Variants in ASCC3 observed in about 807,000 individuals in gnomAD.
ASCC3 encodes the protein ASC-1 complex subunit P200.
Under a neutral mutation model 256.3 loss-of-function variants are expected in ASCC3, and 158 were observed. The observed-to-expected ratio is 0.62, with a 90% CI of 0.54 to 0.70. ASCC3 has a LOEUF of 0.70. ASCC3 is among the 30% of genes least tolerant of loss of function. The pLI, the probability that ASCC3 is intolerant of heterozygous loss-of-function variation, is 0.00. For missense variants in ASCC3, 2,259 were observed against 2,626.0 expected (o/e 0.86, Z 3.05); for synonymous variants, 948 against 883.4 (o/e 1.07, Z -1.30).
At chr6:100,876,003 A>G (rs1273733771) in intron 1 of ASCC3, among the ~76,000 whole-genome samples, 1 of 152,170 alleles carries the variant, frequency 6.6e-6, no homozygotes, top group Non-Finnish European at 1.5e-5. Flanking sequence ...GTTGATCATG[A>G]TTTTATCATA....
intron 4 of ASCC3, among the ~76,000 whole-genome samples, chr6:100,809,224 T>C (rs367792919): frequency 3.7e-4 from 57 of 152,158 alleles, no homozygotes; most frequent in Admixed American, 1.5e-3. Context: ...TACTGTAACT[T>C]TTTACTTCAT....
chr6:100,817,279 C>G (rs1276720490), intron 4 of ASCC3, among the ~76,000 whole-genome samples: 3 of 151,488 alleles, frequency 2.0e-5, no homozygotes, highest in Non-Finnish European at 4.4e-5. Context: ...TTAGCTAAAG[C>G]AGTGAAAAGG....
intron 30 of ASCC3, among the ~76,000 whole-genome samples, chr6:100,614,662 G>T (rs1773571553): frequency 1.3e-5 from 2 of 152,072 alleles, no homozygotes; most frequent in African/African-American, 4.8e-5. Flanking sequence ...ATCACTACAT[G>T]AATAAGAGGG....
intron 34 of ASCC3, among the ~76,000 whole-genome samples, chr6:100,601,133 T>C (rs1056905357): frequency 4.6e-5 from 7 of 152,142 alleles, no homozygotes; most frequent in African/African-American, 1.7e-4. Flanking sequence ...CTCCTGTTCC[T>C]GATTCAAGAT....
intron 3 of ASCC3, among the ~76,000 whole-genome samples, chr6:100,849,909 G>A: frequency 6.6e-6 from 1 of 151,878 alleles, no homozygotes; most frequent in East Asian, 1.9e-4. Flanking sequence ...AGAACAGCCT[G>A]GCCAACATGG....
At chr6:100,556,237 G>A (rs1193136746) in intron 36 of ASCC3, among the ~76,000 whole-genome samples, 1 of 152,100 alleles carries the variant, frequency 6.6e-6, no homozygotes, top group Non-Finnish European at 1.5e-5. Context: ...TGTTCTAGGA[G>A]TTAAGAAATA....
chr6:100,782,129 T>A (rs904254210), intron 8 of ASCC3, among the ~76,000 whole-genome samples: 1 of 152,132 alleles, frequency 6.6e-6, no homozygotes, highest in Non-Finnish European at 1.5e-5. Context: ...ATAGTCCAAC[T>A]AGGGTTCCTC....
intron 4 of ASCC3, among the ~76,000 whole-genome samples, chr6:100,822,733 A>C (rs1475623481): frequency 6.6e-6 from 1 of 152,106 alleles, no homozygotes; most frequent in African/African-American, 2.4e-5. Context: ...AACAAATAGG[A>C]AATGCTCTCT....
intron 1 of ASCC3, among the ~76,000 whole-genome samples, chr6:100,879,256 C>T (rs1325937659): frequency 2.0e-5 from 3 of 152,162 alleles, no homozygotes; most frequent in Non-Finnish European, 4.4e-5. Flanking sequence ...CTTTCAGAAG[C>T]TTTATGAACC....
chr6:100,513,306 C>G (rs1773867050), intron 39 of ASCC3, among the ~76,000 whole-genome samples: 1 of 152,060 alleles, frequency 6.6e-6, no homozygotes, highest in African/African-American at 2.4e-5. Flanking sequence ...ACTTGTGATT[C>G]CTTTATTGTA....
chr6:100,843,670 A>G (rs1187072308), intron 4 of ASCC3, among the ~76,000 whole-genome samples: 1 of 152,188 alleles, frequency 6.6e-6, no homozygotes, highest in Non-Finnish European at 1.5e-5. Context: ...CTTAACAAGA[A>G]CTATTAATAT....
intron 30 of ASCC3, among the ~76,000 whole-genome samples, chr6:100,619,539 G>A (rs1191749729): frequency 1.3e-5 from 2 of 152,190 alleles, no homozygotes; most frequent in South Asian, 2.1e-4. Context: ...AAGAATGTAT[G>A]CTTTTGGTCA....
intron 13 of ASCC3, 45 bp from the exon 14 acceptor site, chr6:100,679,797 A>G: frequency 1.3e-6 from 2 of 1,589,126 alleles, no homozygotes; most frequent in Non-Finnish European, 1.7e-6. Context: ...AATTAATTAA[A>G]TTACAGCTTA....
At chr6:100,596,416 C>T (rs142973508) in intron 34 of ASCC3, among the ~76,000 whole-genome samples, 188 of 152,180 alleles carry the variant, frequency 1.2e-3, no homozygotes, top group African/African-American at 4.4e-3. Context: ...CCTAACATGA[C>T]TAATTTAGTT....
At chr6:100,611,557 A>G (rs1290243337) in intron 30 of ASCC3, among the ~76,000 whole-genome samples, 2 of 152,106 alleles carry the variant, frequency 1.3e-5, no homozygotes, top group Non-Finnish European at 2.9e-5. Flanking sequence ...TTATCACTTT[A>G]CAAAGATTAT....
intron 4 of ASCC3, among the ~76,000 whole-genome samples, chr6:100,811,025 G>A (rs1291554073): frequency 6.6e-6 from 1 of 152,106 alleles, no homozygotes; most frequent in Non-Finnish European, 1.5e-5. Context: ...GGGGTGGCAA[G>A]AGGAGGATTT....
At chr6:100,632,199 AAAAG>A (rs1450652239) in intron 25 of ASCC3, among the ~76,000 whole-genome samples, 1 of 150,370 alleles carries the variant, frequency 6.7e-6, no homozygotes, top group Non-Finnish European at 1.5e-5. Context: ...AAAAAAAAAA[AAAAG>A]AAGACAGTCC....
At chr6:100,815,077 A>C (rs1770674825) in intron 4 of ASCC3, among the ~76,000 whole-genome samples, 1 of 152,066 alleles carries the variant, frequency 6.6e-6, no homozygotes, top group African/African-American at 2.4e-5. Context: ...AAGTCTCAGG[A>C]TACAAAATAA....
intron 4 of ASCC3, among the ~76,000 whole-genome samples, chr6:100,823,308 C>T (rs1173259075): frequency 6.6e-5 from 10 of 152,114 alleles, no homozygotes; most frequent in Non-Finnish European, 1.3e-4. Context: ...CGCACAGATA[C>T]AAGTTCCTGA....
Sources: allele counts gnomAD v4.1 joint callset (sites outside exome capture counted in the v4.1 genomes callset), GRCh38; gene constraint gnomAD v4.1.1; transcripts MANE v1.5; gene names NCBI Gene and HGNC (gene_info 2026-07-23, HGNC 2026-07-21).